USH2A: variants seen among roughly 807,000 people sequenced by gnomAD.
The protein encoded by USH2A is Usher syndrome 2A (autosomal recessive, mild).
A neutral mutation model predicts 538.9 loss-of-function variants in USH2A; 443 were observed. The ratio of observed to expected loss-of-function variants is 0.82; its 90% confidence interval spans 0.76 to 0.89. The LOEUF (loss-of-function observed/expected upper bound fraction) is 0.89, where lower values mean the gene tolerates loss of function less well. Ranked by LOEUF, USH2A falls within the 40% of genes least tolerant of loss-of-function variation. The probability of loss-of-function intolerance (pLI) is 0.00; values close to 1 mark genes in which losing one functional copy is unlikely to be tolerated. For synonymous variants in USH2A, 2,413 were observed against 2,273.5 expected, an observed-to-expected ratio of 1.06 and a Z score of -1.75; for missense variants, 6,633 against 6,324.8, an observed-to-expected ratio of 1.05 and a Z score of -1.65.
intron 11 of USH2A, among the ~76,000 whole-genome samples, chr1:216,254,375 C>T (rs895233578): frequency 1.4e-4 from 21 of 151,996 alleles, no homozygotes; most frequent in Admixed American, 2.0e-4. Context: ...CAATTGCTGT[C>T]CACCAAGAAG....
At chr1:216,115,159 G>A (rs1490161650) in intron 21 of USH2A, among the ~76,000 whole-genome samples, 3 of 151,362 alleles carry the variant, frequency 2.0e-5, no homozygotes, top group Non-Finnish European at 4.4e-5. Context: ...TTGAGACAAG[G>A]TCTTTCTCTG....
intron 29 of USH2A, among the ~76,000 whole-genome samples, chr1:216,070,828 T>C (rs1571933848): frequency 7.1e-6 from 1 of 140,968 alleles, no homozygotes; most frequent in African/African-American, 2.7e-5. Context: ...ATATGATATA[T>C]GGAATATATT....
intron 45 of USH2A, among the ~76,000 whole-genome samples, chr1:215,845,421 G>A (rs187948673): frequency 6.6e-6 from 1 of 152,180 alleles, no homozygotes; most frequent in East Asian, 1.9e-4. Flanking sequence ...TTTTCTCAGT[G>A]GCTGAACTTC....
intron 44 of USH2A, among the ~76,000 whole-genome samples, chr1:215,865,094 GACA>G (rs1664434706): frequency 2.6e-5 from 4 of 152,032 alleles, no homozygotes; most frequent in Admixed American, 2.6e-4. Flanking sequence ...ATCCAATCAA[GACA>G]ACAATTTAAA....
Position 216,074,084 on chromosome 1 carries a change from A to G in USH2A, c.5573-784T>C, listed in dbSNP as rs557806891. On this transcript the variant is annotated intron_variant, in intron 27 of 71. Coordinates refer to ENST00000307340, the MANE Select transcript of USH2A (RefSeq NM_206933.4). The stretch of plus-strand genomic sequence containing the variant: ...GACCTTAGAACACCCACTGCGCAGT[A>G]CCATTCTGTGAAGTTTAACAGAGAA... Among the ~76,000 whole-genome samples, 12 of 152,370 alleles carry G rather than the reference A, an allele frequency of 7.9e-5. No individual in the cohort carries two copies. In the East Asian group the frequency reaches 2.3e-3, roughly 29 times the overall value.
At chr1:216,112,915 C>A (rs1269035535) in intron 21 of USH2A, among the ~76,000 whole-genome samples, 1 of 151,826 alleles carries the variant, frequency 6.6e-6, no homozygotes, top group Non-Finnish European at 1.5e-5. Context: ...GCAATGAACA[C>A]CCGCGAGCAT....
intron 44 of USH2A, among the ~76,000 whole-genome samples, chr1:215,864,098 G>A (rs766847280): frequency 6.6e-6 from 1 of 152,104 alleles, no homozygotes; most frequent in Non-Finnish European, 1.5e-5. Flanking sequence ...ACTCCCTTTG[G>A]TAGGCATTTT....
intron 11 of USH2A, among the ~76,000 whole-genome samples, chr1:216,271,170 G>T (rs1431607043): frequency 6.6e-6 from 1 of 151,974 alleles, no homozygotes; most frequent in Non-Finnish European, 1.5e-5. Context: ...AACTAGTGAA[G>T]ACCAAATACC....
chr1:215,863,318 T>C (rs1664380110), intron 44 of USH2A, among the ~76,000 whole-genome samples: 1 of 152,172 alleles, frequency 6.6e-6, no homozygotes, highest in Non-Finnish European at 1.5e-5. Context: ...GTCTCTTCTA[T>C]TTGATAACTA....
rs2034687815 is a variant in USH2A, at chr1:216,190,234, G to C, written c.4385C>G (p.Thr1462Ser). ...TAAAACTTGCTTACCTGCTGCTAAA[G>C]TTTGTCCTGCTCCCGAAGCACTGGT... is the stretch of plus-strand genomic sequence containing the variant. ...CVTSASGAGQ[T>S]LAAAPAQLRP... The change falls in exon 20 of 72, where the codon ACT becomes AGT. Residue 1462 changes from threonine (T) to serine (S), a missense_variant. Transcript: ENST00000307340. 6.2e-7 allele frequency: 1 copy of C among 1,612,334 alleles called. No homozygotes were observed. Among genetic ancestry groups the C allele is most frequent in the Non-Finnish European group, 8.5e-7 (1 of 1,178,974 alleles).
chr1:215,979,786 G>T (rs943692855), intron 35 of USH2A, among the ~76,000 whole-genome samples: 1 of 152,074 alleles, frequency 6.6e-6, no homozygotes, highest in Non-Finnish European at 1.5e-5. Flanking sequence ...ATTCAGAAAA[G>T]AGTGTTCCTT....
chr1:215,697,247 C>T (rs535888764), intron 61 of USH2A, among the ~76,000 whole-genome samples: 2 of 152,040 alleles, frequency 1.3e-5, no homozygotes, highest in East Asian at 1.9e-4. Context: ...GTGTGAGTCA[C>T]CTCACCTGGC....
chr1:216,232,186 T>C, intron 13 of USH2A, 50 bp from the exon 14 acceptor site: 1 of 1,551,560 alleles, frequency 6.4e-7, no homozygotes, highest in Non-Finnish European at 8.7e-7. Context: ...ATCCACTCTT[T>C]TATTTAAAGC....
rs146832167 is a variant in USH2A at position 215,802,901 on chromosome 1, T to C, written c.9740-3776A>G. On this transcript the variant is annotated intron_variant, in intron 49 of 71. Transcript: ENST00000307340. ...GATGAATAAATGAATACAAAAGTGTTATATACATACAATGAGACATTATTC... is the reference window on the plus strand; with the variant it reads ...GATGAATAAATGAATACAAAAGTGTCATATACATACAATGAGACATTATTC... Among the ~76,000 whole-genome samples, 812 of 152,222 alleles carry C rather than the reference T, an allele frequency of 5.3e-3. 6 individuals carry two copies. Among genetic ancestry groups the C allele is most frequent in the African/African-American group, 0.018 (751 of 41,566 alleles).
intron 11 of USH2A, among the ~76,000 whole-genome samples, chr1:216,284,824 G>T (rs933717461): frequency 6.6e-6 from 1 of 152,206 alleles, no homozygotes; most frequent in Non-Finnish European, 1.5e-5. Flanking sequence ...ATAAAGGCCA[G>T]GCTGAGGTGG....
At chr1:216,353,683 T>C (rs2038329118) in intron 4 of USH2A, among the ~76,000 whole-genome samples, 1 of 151,468 alleles carries the variant, frequency 6.6e-6, no homozygotes. Flanking sequence ...ATAGACAGAG[T>C]TGTGCCAAAG....
chr1:216,134,239 C>G (rs2033435277), intron 21 of USH2A, among the ~76,000 whole-genome samples: 2 of 152,018 alleles, frequency 1.3e-5, no homozygotes, highest in Admixed American at 1.3e-4. Flanking sequence ...AAATTCTTCT[C>G]ATATTTCTTA....
Position 215,674,160 on chromosome 1 carries a change from G to A in USH2A, c.13751C>T (p.Thr4584Ile), listed in dbSNP as rs761230137. The change falls in exon 63 of 72, where the codon ACA becomes ATA. Residue 4584 changes from threonine to isoleucine, a missense_variant. Coordinates refer to ENST00000307340, the MANE Select transcript of USH2A (RefSeq NM_206933.4). ...CTGCATACCAAAAGAATTATGAGTT[G>A]TGTTTATGTGTATGATTTTAGTTTC... is the stretch of plus-strand genomic sequence containing the variant. ...ERETKIIHIN[T>I]THNSFGMQSY... 8 of 1,614,108 alleles carry A rather than the reference G, an allele frequency of 5.0e-6. No individual in the cohort carries two copies. In the East Asian group the frequency reaches 1.8e-4, roughly 36 times the overall value.
intron 21 of USH2A, among the ~76,000 whole-genome samples, chr1:216,110,112 A>G (rs2032831650): frequency 6.6e-6 from 1 of 152,198 alleles, no homozygotes; most frequent in Non-Finnish European, 1.5e-5. Flanking sequence ...TTTTTACTTT[A>G]GAAGCAGATA....
Sources: allele counts gnomAD v4.1 joint callset (sites outside exome capture counted in the v4.1 genomes callset), GRCh38; gene constraint gnomAD v4.1.1; transcripts MANE v1.5; gene names NCBI Gene and HGNC (gene_info 2026-07-23, HGNC 2026-07-21).